The following LRRTM4 variants were observed in gnomAD, a reference collection of about 807,000 sequenced individuals.
LRRTM4 encodes the protein leucine rich repeat transmembrane neuronal 4.
A neutral mutation model predicts 47.6 loss-of-function variants in LRRTM4; 25 were observed. The observed-to-expected ratio is 0.53, with a 90% CI of 0.38 to 0.73. The LOEUF (loss-of-function observed/expected upper bound fraction) is 0.73, where lower values mean the gene tolerates loss of function less well. LRRTM4 is among the 30% of genes least tolerant of loss of function. The probability of loss-of-function intolerance (pLI) is 0.00; values close to 1 mark genes in which losing one functional copy is unlikely to be tolerated. For synonymous variants in LRRTM4, 311 were observed against 269.5 expected, an observed-to-expected ratio of 1.15 and a Z score of -1.51; for missense variants, 638 against 713.4, an observed-to-expected ratio of 0.89 and a Z score of 1.20.
At chr2:77,188,394 C>T (rs1366359060) in intron 3 of LRRTM4, among the ~76,000 whole-genome samples, 1 of 152,058 alleles carries the variant, frequency 6.6e-6, no homozygotes, top group Non-Finnish European at 1.5e-5. Flanking sequence ...TTAATTTTTC[C>T]TTCACATTCT....
At chr2:77,132,924 AAGAT>A (rs1290390229) in intron 3 of LRRTM4, among the ~76,000 whole-genome samples, 7 of 152,208 alleles carry the variant, frequency 4.6e-5, no homozygotes, top group African/African-American at 1.7e-4. Context: ...GAGGAGGAAG[AAGAT>A]AGATAAAATG....
intron 3 of LRRTM4, among the ~76,000 whole-genome samples, chr2:77,401,581 G>C (rs56382643): frequency 0.033 from 4,954 of 151,870 alleles, 264 homozygotes; most frequent in African/African-American, 0.11. Context: ...GATAAGAGGT[G>C]CTAAATTTTG....
At chr2:77,410,679 C>T (rs954202880) in intron 3 of LRRTM4, among the ~76,000 whole-genome samples, 2 of 152,116 alleles carry the variant, frequency 1.3e-5, no homozygotes, top group African/African-American at 4.8e-5. Context: ...GAAATCAACA[C>T]TATTTTCTTT....
chr2:76,830,262 T>C (rs1403231094), intron 3 of LRRTM4, among the ~76,000 whole-genome samples: 1 of 152,078 alleles, frequency 6.6e-6, no homozygotes, highest in Admixed American at 6.6e-5. Flanking sequence ...AATAAAACTA[T>C]AAAATCTTAT....
chr2:76,858,678 C>T lies in LRRTM4; in HGVS notation c.1552-109762G>A, dbSNP rs565058820. Among the ~76,000 whole-genome samples the T allele has an allele frequency of 5.3e-5, 8 of 152,136 alleles. No individual in the cohort carries two copies. In the South Asian group the frequency reaches 1.4e-3, roughly 28 times the overall value. ...AATAGATATTTTACTATGAAAACTG[C>T]TCTGTAATTGCAAACTGGTATTCTC... On this transcript the variant is annotated intron_variant, in intron 3 of 3. Coordinates refer to ENST00000409884, the MANE Select transcript of LRRTM4 (RefSeq NM_001134745.3).
chr2:76,872,321 C>A (rs558438030), intron 3 of LRRTM4, among the ~76,000 whole-genome samples: 4 of 152,006 alleles, frequency 2.6e-5, no homozygotes, highest in Non-Finnish European at 4.4e-5. Flanking sequence ...GAACAATAAT[C>A]AAATGGAGTG....
chr2:76,844,539 A>C (rs1377419978), intron 3 of LRRTM4, among the ~76,000 whole-genome samples: 7 of 152,166 alleles, frequency 4.6e-5, no homozygotes, highest in Non-Finnish European at 1.0e-4. Flanking sequence ...GTATCAGCAA[A>C]AGTTAAATGA....
rs1011377342 is a variant in LRRTM4 at position 76,827,051 on chromosome 2, T to C, written c.1552-78135A>G. ...TGCTGATGTAATGGACTTTTGAGTA[T>C]TTCTCTCTCCTGAGACCGTTAGTTC... On this transcript the variant is annotated intron_variant, in intron 3 of 3. Transcript: ENST00000409884. Among the ~76,000 whole-genome samples the C allele has an allele frequency of 4.0e-5, 6 of 151,836 alleles. No individual in the cohort carries two copies. In the East Asian group the frequency reaches 9.7e-4, roughly 24 times the overall value.
intron 3 of LRRTM4, among the ~76,000 whole-genome samples, chr2:76,889,704 G>A (rs1573262739): frequency 6.6e-6 from 1 of 151,946 alleles, no homozygotes; most frequent in East Asian, 1.9e-4. Context: ...CAGTGGCCCT[G>A]CCAAATTTTT....
In LRRTM4 at chr2:77,420,781, G is replaced by GTATA. The variant is rs759857665; in HGVS notation, c.1551+97533_1551+97536dup. ...CCCTTTCAGTGGACAAAATGGGAAT[G>GTATA]TATATATATATATAATACATATATA... On this transcript the variant is annotated intron_variant, in intron 3 of 3. Transcript: ENST00000409884. 2.8e-5 allele frequency among the ~76,000 whole-genome samples: 4 copies of GTATA among 142,180 alleles called. No individual in the cohort carries two copies. In the South Asian group the frequency reaches 8.8e-4, roughly 31 times the overall value. The allele number at this position is 142,180 out of a possible 152,430, so 93.3% of individuals were successfully genotyped here.
chr2:77,192,939 A>T (rs1370001545), intron 3 of LRRTM4, among the ~76,000 whole-genome samples: 1 of 151,450 alleles, frequency 6.6e-6, no homozygotes, highest in Non-Finnish European at 1.5e-5. Context: ...TGGCAGGTGC[A>T]TTTTTTTTTC....
intron 3 of LRRTM4, among the ~76,000 whole-genome samples, chr2:77,001,314 T>A (rs969132974): frequency 1.3e-5 from 2 of 152,136 alleles, no homozygotes; most frequent in Non-Finnish European, 2.9e-5. Flanking sequence ...GGATTACACT[T>A]TTTTCTTGAA....
At chr2:77,111,760 A>T (rs1160344136) in intron 3 of LRRTM4, among the ~76,000 whole-genome samples, 3 of 152,154 alleles carry the variant, frequency 2.0e-5, no homozygotes, top group Non-Finnish European at 4.4e-5. Context: ...TGATGCTGGC[A>T]ATTTGACATG....
At chr2:77,425,026 GT>G (rs1475483458) in intron 3 of LRRTM4, among the ~76,000 whole-genome samples, 1 of 152,120 alleles carries the variant, frequency 6.6e-6, no homozygotes, top group Non-Finnish European at 1.5e-5. Flanking sequence ...ATTAAGCATG[GT>G]GTCTATTAAA....
At chr2:77,399,917 A>G (rs79490050) in intron 3 of LRRTM4, among the ~76,000 whole-genome samples, 2,457 of 152,022 alleles carry the variant, frequency 0.016, 57 homozygotes, top group African/African-American at 0.052. Context: ...GAAGTCAGAC[A>G]TCTGGGCTTG....
rs144227025 is a variant in LRRTM4 at position 77,036,882 on chromosome 2, A to G, written c.1552-287966T>C. On this transcript the variant is annotated intron_variant, in intron 3 of 3. Coordinates refer to ENST00000409884, the MANE Select transcript of LRRTM4 (RefSeq NM_001134745.3). ...TTCTTAAATCAATCTGCTGATCAAG[A>G]AAGACATATAGATTATTTATTAACC... Among the ~76,000 whole-genome samples, 620 of 151,874 alleles carry G rather than the reference A, an allele frequency of 4.1e-3. 26 individuals carry two copies. In the South Asian group the frequency reaches 0.068, roughly 17 times the overall value.
intron 3 of LRRTM4, among the ~76,000 whole-genome samples, chr2:77,093,216 A>G (rs972166830): frequency 6.7e-6 from 1 of 148,552 alleles, no homozygotes; most frequent in South Asian, 2.1e-4. Context: ...ATCACAGCTG[A>G]TATCTCCTGG....
rs1222664824 is a variant in LRRTM4 at position 76,799,580 on chromosome 2, T to A, written c.1552-50664A>T. 5.6e-5 allele frequency among the ~76,000 whole-genome samples: 8 copies of A among 141,620 alleles called. No homozygotes were observed. In the South Asian group the frequency reaches 1.4e-3, roughly 25 times the overall value. 92.9% of individuals were successfully genotyped at this position (141,620 alleles called of 152,430 possible). A position where few individuals can be genotyped will look rare whatever the true frequency, so the allele number is the denominator to read the frequency against. On this transcript the variant is annotated intron_variant, in intron 3 of 3. Transcript: ENST00000409884. ...CCTCTCTCACCACTCCTATTCAACA[T>A]AGTGTTGGAAGTTCTGGCCAGGGTA...
intron 3 of LRRTM4, among the ~76,000 whole-genome samples, chr2:77,433,502 T>A (rs1675468850): frequency 1.3e-5 from 2 of 152,300 alleles, no homozygotes; most frequent in East Asian, 1.9e-4. Context: ...TAAAAATGAC[T>A]AGATCTTTAA....
Sources: gnomAD v4.1 joint callset for allele counts (sites outside exome capture counted in the v4.1 genomes callset) on GRCh38, gnomAD v4.1.1 for gene constraint, MANE v1.5 for transcripts, NCBI Gene and HGNC (gene_info 2026-07-23, HGNC 2026-07-21) for gene names.